Variants in KIRREL3 observed in about 807,000 individuals in gnomAD.
The protein encoded by KIRREL3 is kirre like nephrin family adhesion molecule 3.
Under a neutral mutation model 89.7 loss-of-function variants are expected in KIRREL3, and 36 were observed. That is an observed-to-expected ratio of 0.40 (90% CI 0.31 to 0.53). The LOEUF (loss-of-function observed/expected upper bound fraction) is 0.53. Ranked by LOEUF, KIRREL3 falls within the 20% of genes least tolerant of loss-of-function variation. KIRREL3 has a pLI of 0.49. For missense variants in KIRREL3, 864 were observed against 1,056.6 expected (o/e 0.82, Z 2.53); for synonymous variants, 445 against 441.4 (o/e 1.01, Z -0.10).
Position 126,563,020 on chromosome 11 carries a change from G to A in KIRREL3, c.56-108C>T. 1 of 673,780 alleles carries A rather than the reference G, an allele frequency of 1.5e-6. No individual in the cohort carries two copies. The highest frequency in any genetic ancestry group is 2.5e-6 in the Non-Finnish European group (1 of 400,532). The allele number at this position is 673,780 out of a possible 1,614,324, so 41.7% of individuals were successfully genotyped here. Reference sequence around the variant, plus strand: ...GCTTGTTGCTCTTATAAACAGAGGTGCTTTTGTTTAGCCAACATTTATATG... The same window carrying A: ...GCTTGTTGCTCTTATAAACAGAGGTACTTTTGTTTAGCCAACATTTATATG... On this transcript the variant is annotated intron_variant, in intron 1 of 16. Transcript: ENST00000525144. The surrounding 1 kb of genome is among the most constrained non-coding windows in gnomAD (Gnocchi z 6.8).
At chr11:126,785,546 G>A (rs889243508) in intron 1 of KIRREL3, among the ~76,000 whole-genome samples, 1 of 152,048 alleles carries the variant, frequency 6.6e-6, no homozygotes, top group Non-Finnish European at 1.5e-5. Context: ...GGGTCCTATT[G>A]TGTCCCTCCA....
chr11:126,488,763 G>A lies in KIRREL3; in HGVS notation c.434-15297C>T, dbSNP rs567042674. 1.8e-3 allele frequency among the ~76,000 whole-genome samples: 267 copies of A among 152,316 alleles called. 1 individual carries two copies. Among genetic ancestry groups the A allele is most frequent in the Non-Finnish European group, 3.1e-3 (210 of 68,034 alleles). On this transcript the variant is annotated intron_variant, in intron 4 of 16. Transcript: ENST00000525144. ...GACTGCTCTCCTCTGGCCTCTCCCTGCTCCTACCTGTTCCCCACAGGGGAT... is the reference window on the plus strand; with the variant it reads ...GACTGCTCTCCTCTGGCCTCTCCCTACTCCTACCTGTTCCCCACAGGGGAT...
In KIRREL3 at chr11:126,985,131, A is replaced by G. The variant is rs1949825344; in HGVS notation, c.55+15324T>C. Among the ~76,000 whole-genome samples the G allele has an allele frequency of 1.3e-5, 2 of 152,214 alleles. No homozygotes were observed. The highest frequency in any genetic ancestry group is 6.5e-5 in the Admixed American group (1 of 15,290). ...TCCCCAAGGAGGACTCGGTGCTCATAGGTACTCGAGTTGTACAAGGCAATA... is the reference window on the plus strand; with the variant it reads ...TCCCCAAGGAGGACTCGGTGCTCATGGGTACTCGAGTTGTACAAGGCAATA... On this transcript the variant is annotated intron_variant, in intron 1 of 16. Coordinates refer to ENST00000525144, the MANE Select transcript of KIRREL3 (RefSeq NM_032531.4). This position sits in a 1 kb window ranked among gnomAD's most constrained non-coding sequence, Gnocchi z 5.3.
Position 126,463,545 on chromosome 11 carries a change from A to G in KIRREL3, c.592-238T>C, listed in dbSNP as rs1956621746. 6.6e-6 allele frequency among the ~76,000 whole-genome samples: 1 copy of G among 152,256 alleles called. No individual in the cohort carries two copies. The highest frequency in any genetic ancestry group is 6.5e-5 in the Admixed American group (1 of 15,290). On this transcript the variant is annotated intron_variant, in intron 5 of 16. Coordinates refer to ENST00000525144, the MANE Select transcript of KIRREL3 (RefSeq NM_032531.4). This position sits in a 1 kb window ranked among gnomAD's most constrained non-coding sequence, Gnocchi z 5.9. ...AAAAGGAACTAGACAGTTTTCCACCATGTGAAAATTAGCCTGGATTCACAT... is the reference window on the plus strand; with the variant it reads ...AAAAGGAACTAGACAGTTTTCCACCGTGTGAAAATTAGCCTGGATTCACAT...
At chr11:126,434,277 G>A (rs143849421) in intron 13 of KIRREL3, among the ~76,000 whole-genome samples, 1 of 152,250 alleles carries the variant, frequency 6.6e-6, no homozygotes, top group Non-Finnish European at 1.5e-5. Flanking sequence ...AGCCACCGAG[G>A]GGGGAAGGTG....
rs1955060109 is a variant in KIRREL3, at chr11:126,429,723, C to T, written c.1697-435G>A. On this transcript the variant is annotated intron_variant, in intron 14 of 16. Coordinates refer to ENST00000525144, the MANE Select transcript of KIRREL3 (RefSeq NM_032531.4). This position sits in a 1 kb window ranked among gnomAD's most constrained non-coding sequence, Gnocchi z 5.2. Reference sequence around the variant, plus strand: ...AGGACCTCAAAGTGCCCATGGCCAACCCCCATCCAAAGAGAAACGCCCCTG... The same window carrying T: ...AGGACCTCAAAGTGCCCATGGCCAATCCCCATCCAAAGAGAAACGCCCCTG... Among the ~76,000 whole-genome samples the T allele has an allele frequency of 6.6e-6, 1 of 152,248 alleles. No individual in the cohort carries two copies. Among genetic ancestry groups the T allele is most frequent in the Non-Finnish European group, 1.5e-5 (1 of 68,052 alleles).
intron 1 of KIRREL3, among the ~76,000 whole-genome samples, chr11:126,932,560 T>C (rs1466092899): frequency 6.6e-6 from 1 of 152,226 alleles, no homozygotes; most frequent in East Asian, 1.9e-4. Context: ...CAAGTCTCAA[T>C]GCATTGAACC....
At chr11:126,518,877 G>T (rs1958502661) in intron 4 of KIRREL3, among the ~76,000 whole-genome samples, 1 of 152,250 alleles carries the variant, frequency 6.6e-6, no homozygotes, top group Admixed American at 6.5e-5. Flanking sequence ...GGGGACCTGG[G>T]AGTGTCCCAG....
intron 10 of KIRREL3, among the ~76,000 whole-genome samples, chr11:126,444,624 G>A (rs1270954009): frequency 4.6e-5 from 7 of 152,122 alleles, no homozygotes; most frequent in African/African-American, 1.4e-4. Context: ...AAATTCTCAC[G>A]GGCCAAGGCC....
intron 1 of KIRREL3, among the ~76,000 whole-genome samples, chr11:126,916,610 C>A (rs892537281): frequency 6.6e-6 from 1 of 152,086 alleles, no homozygotes; most frequent in Non-Finnish European, 1.5e-5. Context: ...GATTTAACTG[C>A]AGAAGTCTTT....
rs1957533651 is a variant in KIRREL3 at position 126,492,087 on chromosome 11, C to T, written c.434-18621G>A. ...AGTGAGCCAAAGGGCCCCATCCTTG[C>T]TTACCTCAGTTTCCTCCGGGCTTAT... On this transcript the variant is annotated intron_variant, in intron 4 of 16. Coordinates refer to ENST00000525144, the MANE Select transcript of KIRREL3 (RefSeq NM_032531.4). This position sits in a 1 kb window ranked among gnomAD's most constrained non-coding sequence, Gnocchi z 4.8. 6.6e-6 allele frequency among the ~76,000 whole-genome samples: 1 copy of T among 152,184 alleles called. No individual in the cohort carries two copies. The highest frequency in any genetic ancestry group is 2.4e-5 in the African/African-American group (1 of 41,442).
intron 1 of KIRREL3, among the ~76,000 whole-genome samples, chr11:126,757,842 T>C (rs1225286697): frequency 2.0e-5 from 3 of 152,208 alleles, no homozygotes; most frequent in Non-Finnish European, 4.4e-5. Context: ...CTCTGAAGAC[T>C]CAGTTTCCCC....
At chr11:126,572,247 C>T (rs1267392076) in intron 1 of KIRREL3, among the ~76,000 whole-genome samples, 1 of 152,196 alleles carries the variant, frequency 6.6e-6, no homozygotes, top group Non-Finnish European at 1.5e-5. Flanking sequence ...TATTCCCTTC[C>T]CCAGCCCCTA....
chr11:126,986,115 T>C (rs1949859653), intron 1 of KIRREL3, among the ~76,000 whole-genome samples: 1 of 152,168 alleles, frequency 6.6e-6, no homozygotes, highest in African/African-American at 2.4e-5. Flanking sequence ...CGGCATCCAC[T>C]GTGGGATGAG....
chr11:126,893,049 T>C (rs948118), intron 1 of KIRREL3, among the ~76,000 whole-genome samples: 96,414 of 152,090 alleles, frequency 0.63, 32,389 homozygotes, highest in African/African-American at 0.86. Flanking sequence ...TGTTTGATAT[T>C]CTCGCATTTA....
chr11:126,440,648 T>C (rs1477622306), intron 10 of KIRREL3, 99 bp from the exon 11 acceptor site: 1 of 1,088,506 alleles, frequency 9.2e-7, no homozygotes, highest in African/African-American at 1.6e-5. Context: ...ATCCAAGCAT[T>C]CAGCAAACAT....
In KIRREL3 at chr11:126,448,862, C is replaced by G. The variant is rs75319204; in HGVS notation, c.997+147G>C. ...AAATAAACATGAAACAATGCACAAA[C>G]CAGCTTTCGTCGAGTGCAAACCATC... is the stretch of plus-strand genomic sequence containing the variant. On this transcript the variant is annotated intron_variant, in intron 8 of 16. Transcript: ENST00000525144. 4,273 of 766,088 alleles carry G rather than the reference C, an allele frequency of 5.6e-3. 116 individuals carry two copies. The African/African-American group carries it at 0.063, about 11-fold the overall frequency. 47.5% of individuals were successfully genotyped at this position (766,088 alleles called of 1,614,324 possible). A position where few individuals can be genotyped will look rare whatever the true frequency, so the allele number is the denominator to read the frequency against.
At position 126,977,613 on chromosome 11, in the gene KIRREL3, C is replaced by T. The variant is rs925211602; in HGVS notation, c.55+22842G>A. 2.6e-5 allele frequency among the ~76,000 whole-genome samples: 4 copies of T among 152,196 alleles called. No homozygotes were observed. Among genetic ancestry groups the T allele is most frequent in the Admixed American group, 6.5e-5 (1 of 15,280 alleles). On this transcript the variant is annotated intron_variant, in intron 1 of 16. Transcript: ENST00000525144. The surrounding 1 kb of genome is among the most constrained non-coding windows in gnomAD (Gnocchi z 4.7). ...ACCTGTCTATTTCATCAGGTTTATA[C>T]CTTGTTGGCACAATGCCTGGCACAT...
intron 1 of KIRREL3, among the ~76,000 whole-genome samples, chr11:126,798,209 T>A (rs1177859332): frequency 1.3e-5 from 2 of 152,096 alleles, no homozygotes; most frequent in Non-Finnish European, 2.9e-5. Context: ...CCAGGTGGCC[T>A]TCCCTCTCTG....
Sources: allele counts gnomAD v4.1 joint callset (sites outside exome capture counted in the v4.1 genomes callset), GRCh38; gene constraint gnomAD v4.1.1; non-coding constraint Gnocchi (gnomAD v3.1); transcripts MANE v1.5; gene names NCBI Gene and HGNC (gene_info 2026-07-23, HGNC 2026-07-21).